The following FRMPD4 variants were observed in gnomAD, a reference collection of about 807,000 sequenced individuals.
FRMPD4 encodes the protein FERM and PDZ domain containing 4.
Under a neutral mutation model 94.1 loss-of-function variants are expected in FRMPD4, and 22 were observed. The ratio of observed to expected loss-of-function variants is 0.23; its 90% CI spans 0.17 to 0.33. FRMPD4 has a LOEUF of 0.33. FRMPD4 is among the 10% of genes least tolerant of loss of function. The probability of loss-of-function intolerance (pLI) is 1.00; values close to 1 mark genes in which losing one functional copy is unlikely to be tolerated. For missense variants in FRMPD4, 1,111 were observed against 1,339.9 expected, an observed-to-expected ratio of 0.83 and a Z score of 2.67; for synonymous variants, 631 against 548.6, an observed-to-expected ratio of 1.15 and a Z score of -2.10.
chrX:11,882,364 AGT>A (rs772628966), intron 3 of FRMPD4, among the ~76,000 whole-genome samples: 405 of 111,380 alleles, frequency 3.6e-3, no homozygotes, highest in African/African-American at 0.013. Flanking sequence ...AGATTATAAT[AGT>A]GTGAGTGGGG....
chrX:11,934,411 A>G (rs2054139589), intron 3 of FRMPD4, among the ~76,000 whole-genome samples: 1 of 111,762 alleles, frequency 8.9e-6, no homozygotes, highest in Admixed American at 9.5e-5. Context: ...AATGGAGAGC[A>G]TCTCCCTGGC....
intron 4 of FRMPD4, among the ~76,000 whole-genome samples, chrX:12,643,874 CAT>C (rs1185011687): frequency 9.8e-5 from 11 of 112,175 alleles, no homozygotes; most frequent in Middle Eastern, 4.6e-3. Context: ...GGAATCATCA[CAT>C]GAGTTTACTG....
chrX:11,894,410 T>C (rs916917083), intron 3 of FRMPD4, among the ~76,000 whole-genome samples: 2 of 112,599 alleles, frequency 1.8e-5, no homozygotes, highest in African/African-American at 6.5e-5. Flanking sequence ...GGGCTCTTGA[T>C]TGTTATATTA....
chrX:12,632,041 A>G (rs186137665), intron 4 of FRMPD4, among the ~76,000 whole-genome samples: 1 of 111,692 alleles, frequency 9.0e-6, no homozygotes, highest in Non-Finnish European at 1.9e-5. Flanking sequence ...TGCAGTGTTT[A>G]TTGCCCTTTT....
chrX:12,707,713 C>A (rs2041905520), intron 13 of FRMPD4, 62 bp downstream of exon 13: 7 of 905,715 alleles, frequency 7.7e-6, no homozygotes, highest in Non-Finnish European at 1.1e-5. Context: ...GATAACACTG[C>A]AGATGTTTAC....
At chrX:11,892,154 T>C in intron 3 of FRMPD4, among the ~76,000 whole-genome samples, 1 of 112,299 alleles carries the variant, frequency 8.9e-6, no homozygotes, top group Middle Eastern at 4.6e-3. Context: ...GCTGTTTAGT[T>C]GGTCAGAAAT....
At chrX:11,833,090 G>C (rs915398277) in intron 1 of FRMPD4, among the ~76,000 whole-genome samples, 1 of 112,213 alleles carries the variant, frequency 8.9e-6, no homozygotes, top group Admixed American at 9.5e-5. Context: ...GAATAATACA[G>C]TATGTAGACT....
intron 1 of FRMPD4, among the ~76,000 whole-genome samples, chrX:12,289,018 T>A (rs1442442998): frequency 8.9e-6 from 1 of 111,861 alleles, no homozygotes; most frequent in Non-Finnish European, 1.9e-5. Context: ...TTTATTTCCC[T>A]TGTTTTCTGA....
At chrX:12,060,446 G>A (rs532764682) in intron 3 of FRMPD4, among the ~76,000 whole-genome samples, 5 of 106,796 alleles carry the variant, frequency 4.7e-5, no homozygotes, top group East Asian at 2.9e-4. Flanking sequence ...TCTTTTGCCC[G>A]TTTTTTAATG....
At chrX:12,381,380 G>A (rs779261881) in intron 1 of FRMPD4, among the ~76,000 whole-genome samples, 20 of 112,185 alleles carry the variant, frequency 1.8e-4, no homozygotes, top group Non-Finnish European at 3.4e-4. Context: ...AAGGAAACAT[G>A]CTTCCTTCAG....
At chrX:12,502,218 T>C (rs775663703) in intron 2 of FRMPD4, among the ~76,000 whole-genome samples, 13 of 112,403 alleles carry the variant, frequency 1.2e-4, no homozygotes, top group Non-Finnish European at 2.4e-4. Context: ...ACAGAAATGA[T>C]TAACTCCATT....
chrX:12,039,038 A>G (rs951537872), intron 3 of FRMPD4, among the ~76,000 whole-genome samples: 1 of 108,915 alleles, frequency 9.2e-6, no homozygotes, highest in African/African-American at 3.3e-5. Flanking sequence ...GTGCAGTGAC[A>G]TGATCAGAGT....
intron 1 of FRMPD4, among the ~76,000 whole-genome samples, chrX:11,848,128 T>C (rs2053592645): frequency 9.0e-6 from 1 of 111,130 alleles, no homozygotes; most frequent in Non-Finnish European, 1.9e-5. Flanking sequence ...TGGAATACTG[T>C]ACATTTTAGA....
At chrX:12,644,167 T>G (rs2059526194) in intron 4 of FRMPD4, among the ~76,000 whole-genome samples, 1 of 111,191 alleles carries the variant, frequency 9.0e-6, no homozygotes, top group African/African-American at 3.3e-5. Flanking sequence ...ACTCCTGAGC[T>G]GAAGTGATCC....
At chrX:12,356,537 G>A (rs1294163731) in intron 1 of FRMPD4, among the ~76,000 whole-genome samples, 1 of 111,091 alleles carries the variant, frequency 9.0e-6, no homozygotes, top group Non-Finnish European at 1.9e-5. Flanking sequence ...GATGGGATTA[G>A]AGCCCTCATT....
intron 2 of FRMPD4, among the ~76,000 whole-genome samples, chrX:12,587,780 T>C (rs1160910317): frequency 9.0e-6 from 1 of 111,412 alleles, no homozygotes. Context: ...AATTTTTTGT[T>C]TGAACACCTG....
chrX:12,658,350 G>A (rs2059679694), intron 4 of FRMPD4, among the ~76,000 whole-genome samples: 1 of 111,617 alleles, frequency 9.0e-6, no homozygotes, highest in Admixed American at 9.5e-5. Flanking sequence ...TTACTCTTAC[G>A]GAAATGTCCC....
chrX:12,173,659 A>G (rs747926934), intron 1 of FRMPD4, among the ~76,000 whole-genome samples: 27 of 111,325 alleles, frequency 2.4e-4, no homozygotes, highest in African/African-American at 7.5e-4. Flanking sequence ...ATCATTTAGG[A>G]ATTCTGAGGA....
At chrX:12,362,525 G>T (rs1482634263) in intron 1 of FRMPD4, among the ~76,000 whole-genome samples, 1 of 111,438 alleles carries the variant, frequency 9.0e-6, no homozygotes, top group Non-Finnish European at 1.9e-5. Flanking sequence ...TCCCTACAAA[G>T]GACATGAACT....
Sources: allele counts gnomAD v4.1 joint callset (sites outside exome capture counted in the v4.1 genomes callset), GRCh38; gene constraint gnomAD v4.1.1; transcripts MANE v1.5; gene names NCBI Gene and HGNC (gene_info 2026-07-23, HGNC 2026-07-21).